PRR30: variants seen among roughly 807,000 people sequenced by gnomAD.
The protein encoded by PRR30 is proline-rich protein 30.
For synonymous variants in PRR30, 229 were observed against 222.7 expected (o/e 1.03, Z -0.25); for missense variants, 546 against 525.3 (o/e 1.04, Z -0.39).
At position 27,137,322 on chromosome 2, in the gene PRR30, T is replaced by C. The variant is rs1046351025; in HGVS notation, c.1008A>G (p.Pro336=). 1 of 1,614,228 alleles carries C rather than the reference T, an allele frequency of 6.2e-7. No individual in the cohort carries two copies. The highest frequency in any genetic ancestry group is 1.7e-5 in the Admixed American group (1 of 60,034). ...CCTGAGCTGCTGGAGGCTGAGATGC[T>C]GGCAATTGATGCCCACAGGCCTGAG... The part of the protein sequence containing the change: ...KATQACGHQL[P]ASQPPAAQAR... The change falls in exon 3 of 3, where the codon CCA becomes CCG. Residue 336 remains proline (P), a synonymous_variant. Coordinates refer to ENST00000335524, the MANE Select transcript of PRR30 (RefSeq NM_178553.4). The surrounding 1 kb of genome is among the most constrained non-coding windows in gnomAD (Gnocchi z 4.3).
chr2:27,139,099 T>G (rs2148425306), intron 1 of PRR30, 77 bp from the exon 2 acceptor site: 1 of 152,578 alleles, frequency 6.6e-6, no homozygotes, highest in East Asian at 1.9e-4. Flanking sequence ...AAGTGCACTC[T>G]GACCCGGGTT....
intron 1 of PRR30, 32 bp from the exon 2 acceptor site, chr2:27,139,054 GGATAC>G (rs1341053570): frequency 6.6e-6 from 1 of 152,388 alleles, no homozygotes; most frequent in African/African-American, 2.4e-5. Context: ...ACCAAATGGT[GGATAC>G]ACCTTTCTCT....
Position 27,138,193 on chromosome 2 carries a change from G to C in PRR30, c.137C>G (p.Pro46Arg), listed in dbSNP as rs201152841. ...AGTGGAAGAGAACGGTGGTTGAGAGGGAGGGAGGCCCTGATGGGGAGAGAG... is the reference window on the plus strand; with the variant it reads ...AGTGGAAGAGAACGGTGGTTGAGAGCGAGGGAGGCCCTGATGGGGAGAGAG... ...QPLSPHQGLP[P>R]SQPPFSSTQS... Residue 46 changes from proline (P) to arginine (R), a missense_variant, in exon 3 of 3, where the codon CCC becomes CGC. Pro to Arg is a moderately radical substitution (Grantham distance 103). Coordinates refer to ENST00000335524, the MANE Select transcript of PRR30 (RefSeq NM_178553.4). The C allele has an allele frequency of 3.8e-5, 62 of 1,613,930 alleles. No homozygotes were observed. The Admixed American group carries it at 6.2e-4, about 16-fold the overall frequency.
chr2:27,137,296 G>T lies in PRR30; in HGVS notation c.1034C>A (p.Ala345Asp), dbSNP rs140219248. The T allele has an allele frequency of 1.2e-6, 2 of 1,614,256 alleles. No homozygotes were observed. The highest frequency in any genetic ancestry group is 1.7e-6 in the Non-Finnish European group (2 of 1,180,048). The change falls in exon 3 of 3, where the codon GCC (alanine) becomes GAC (aspartate). Residue 345 changes from alanine (A) to aspartate (D), a missense_variant. Coordinates refer to ENST00000335524, the MANE Select transcript of PRR30 (RefSeq NM_178553.4). This position sits in a 1 kb window ranked among gnomAD's most constrained non-coding sequence, Gnocchi z 4.3. ...TGTGCCTGGGACTGGGTCGGCCCGGGCCTGAGCTGCTGGAGGCTGAGATGC... is the reference window on the plus strand; with the variant it reads ...TGTGCCTGGGACTGGGTCGGCCCGGTCCTGAGCTGCTGGAGGCTGAGATGC... ...LPASQPPAAQ[A>D]RADPVPGTPS...
chr2:27,137,002 G>T lies in PRR30; in HGVS notation c.*89C>A. Reference sequence around the variant, plus strand: ...GACCTCCGGCCAGCCAGCCCTTCAGGGTGTCTCGGGGACTCCCCGAGATCT... The same window carrying T: ...GACCTCCGGCCAGCCAGCCCTTCAGTGTGTCTCGGGGACTCCCCGAGATCT... On this transcript the variant is annotated 3_prime_UTR_variant, in exon 3 of 3. Coordinates refer to ENST00000335524, the MANE Select transcript of PRR30 (RefSeq NM_178553.4). This position sits in a 1 kb window ranked among gnomAD's most constrained non-coding sequence, Gnocchi z 4.3. 3.0e-5 allele frequency: 45 copies of T among 1,489,602 alleles called. No homozygotes were observed. The highest frequency in any genetic ancestry group is 3.8e-5 in the Non-Finnish European group (43 of 1,118,120). 92.3% of individuals were successfully genotyped at this position (1,489,602 alleles called of 1,614,324 possible).
rs1405474703 is a variant in PRR30, at chr2:27,139,334, C to T, written c.-450G>A. 6.6e-6 allele frequency: 1 copy of T among 152,384 alleles called. No individual in the cohort carries two copies. Among genetic ancestry groups the T allele is most frequent in the African/African-American group, 2.4e-5 (1 of 41,440 alleles). 9.4% of individuals were successfully genotyped at this position (152,384 alleles called of 1,614,324 possible). The stretch of plus-strand genomic sequence containing the variant: ...ATACCCAGCAGCAGAAGGAATGGGG[C>T]CAGCTGGTAAAAGCCTCTGGGAGAC... On this transcript the variant is annotated 5_prime_UTR_variant, in exon 1 of 3. Transcript: ENST00000335524.
chr2:27,137,504 C>A lies in PRR30; in HGVS notation c.826G>T (p.Ala276Ser). 1 of 1,597,594 alleles carries A rather than the reference C, an allele frequency of 6.3e-7. No homozygotes were observed. The change falls in exon 3 of 3, where the codon GCT becomes TCT. Residue 276 changes from alanine to serine, a missense_variant. Ala to Ser is a moderately conservative substitution (Grantham distance 99). Coordinates refer to ENST00000335524, the MANE Select transcript of PRR30 (RefSeq NM_178553.4). The surrounding 1 kb of genome is among the most constrained non-coding windows in gnomAD (Gnocchi z 4.3). ...ACACAGGGCAGTAGTTGAGGGAAAG[C>A]AAGCAGCCGGGGTCCAGTCCTGTAC... ...PRYRTGPRLL[A>S]FPQLLPCVQG...
At position 27,138,510 on chromosome 2, in the gene PRR30, C is replaced by T. The variant is rs1672555484; in HGVS notation, c.-181G>A. ...GTGGCAGGCCAAGGGGATACCCAGCCCTCCAGCACCAGGCTCTCAGGGTGT... is the reference window on the plus strand; with the variant it reads ...GTGGCAGGCCAAGGGGATACCCAGCTCTCCAGCACCAGGCTCTCAGGGTGT... On this transcript the variant is annotated 5_prime_UTR_variant, in exon 3 of 3. Transcript: ENST00000335524. 2 of 1,240,896 alleles carry T rather than the reference C, an allele frequency of 1.6e-6. No individual in the cohort carries two copies. Among genetic ancestry groups the T allele is most frequent in the South Asian group, 3.7e-5 (2 of 54,172 alleles). 76.9% of individuals were successfully genotyped at this position (1,240,896 alleles called of 1,614,324 possible).
Position 27,138,475 on chromosome 2 carries a change from G to A in PRR30, c.-146C>T. The stretch of plus-strand genomic sequence containing the variant: ...AGCGTGGCTCCAGCCTGGTGTGGGT[G>A]CAGGTGCTGGTGGCAGGCCAAGGGG... On this transcript the variant is annotated 5_prime_UTR_variant, in exon 3 of 3. Transcript: ENST00000335524. The A allele has an allele frequency of 4.2e-6, 6 of 1,437,714 alleles. No homozygotes were observed. The highest frequency in any genetic ancestry group is 4.6e-6 in the Non-Finnish European group (5 of 1,092,054). The allele number at this position is 1,437,714 out of a possible 1,614,324, so 89.1% of individuals were successfully genotyped here.
chr2:27,137,405 C>G lies in PRR30; in HGVS notation c.925G>C (p.Ala309Pro). 1 of 1,613,670 alleles carries G rather than the reference C, an allele frequency of 6.2e-7. No homozygotes were observed. ...GLRLPQGQAR[A>P]LHLLPEKRPK... ...CTTTTCTCGGGCAGCAGATGCAAGG[C>G]CCTGGCCTGGCCCTGAGGCAGGCGG... is the stretch of plus-strand genomic sequence containing the variant. The change falls in exon 3 of 3, where the codon GCC (alanine) becomes CCC (proline). Residue 309 changes from alanine to proline, a missense_variant. Ala to Pro is a conservative substitution (Grantham distance 27). Transcript: ENST00000335524. This position sits in a 1 kb window ranked among gnomAD's most constrained non-coding sequence, Gnocchi z 4.3.
At position 27,137,518 on chromosome 2, in the gene PRR30, C is replaced by T. The variant is rs1672535920; in HGVS notation, c.812G>A (p.Gly271Glu). The T allele has an allele frequency of 6.3e-7, 1 of 1,595,020 alleles. No homozygotes were observed. Among genetic ancestry groups the T allele is most frequent in the Non-Finnish European group, 8.5e-7 (1 of 1,170,306 alleles). The change falls in exon 3 of 3, where the codon GGA becomes GAA. Residue 271 changes from glycine (G) to glutamate (E), a missense_variant. Gly to Glu is a moderately conservative substitution (Grantham distance 98). Transcript: ENST00000335524. This position sits in a 1 kb window ranked among gnomAD's most constrained non-coding sequence, Gnocchi z 4.3. ...PSCPLPRYRT[G>E]PRLLAFPQLL... The stretch of plus-strand genomic sequence containing the variant: ...TTGAGGGAAAGCAAGCAGCCGGGGT[C>T]CAGTCCTGTACCTGGGGAGGGGGCA...
At position 27,137,686 on chromosome 2, in the gene PRR30, A is replaced by AGGGCCT. The variant is rs759015470; in HGVS notation, c.638_643dup (p.Gln213_Ala214dup). 6.2e-7 allele frequency: 1 copy of AGGGCCT among 1,613,308 alleles called. No homozygotes were observed. The highest frequency in any genetic ancestry group is 1.7e-5 in the Admixed American group (1 of 60,024). On this transcript the variant is annotated inframe_insertion, in exon 3 of 3. Coordinates refer to ENST00000335524, the MANE Select transcript of PRR30 (RefSeq NM_178553.4). This position sits in a 1 kb window ranked among gnomAD's most constrained non-coding sequence, Gnocchi z 4.3. ...GCGGCGGTGCCCCAGCTGGACCACCAGGGCCTGGGCCAGGGCCCCTGGGTC... is the reference window on the plus strand; with the variant it reads ...GCGGCGGTGCCCCAGCTGGACCACCAGGGCCTGGGCCTGGGCCAGGGCCCCTGGGTC...
In PRR30 at chr2:27,138,228, G is replaced by A. The variant is rs1672551872; in HGVS notation, c.102C>T (p.Asn34=). ...CCTGATGGGGAGAGAGAGGCTGTAG[G>A]TTGTGAGGAGAGGAGTCCACAAGTT... ...FSQLVDSSPH[N]LQPLSPHQGL... is the part of the protein sequence containing the mutation. Residue 34 remains asparagine (N), a synonymous_variant, in exon 3 of 3, where the codon AAC becomes AAT. Transcript: ENST00000335524. 6.2e-7 allele frequency: 1 copy of A among 1,614,068 alleles called. No individual in the cohort carries two copies. The highest frequency in any genetic ancestry group is 2.2e-5 in the East Asian group (1 of 44,882).
chr2:27,137,532 G>A lies in PRR30; in HGVS notation c.798C>T (p.Pro266=), dbSNP rs1672536390. The change falls in exon 3 of 3, where the codon CCC becomes CCT. Residue 266 remains proline (P), a synonymous_variant. Coordinates refer to ENST00000335524, the MANE Select transcript of PRR30 (RefSeq NM_178553.4). The surrounding 1 kb of genome is among the most constrained non-coding windows in gnomAD (Gnocchi z 4.3). ...LRPRSPSCPL[P]RYRTGPRLLA... ...GCAGCCGGGGTCCAGTCCTGTACCTGGGGAGGGGGCAGGAGGGGCTGCGGG... is the reference window on the plus strand; with the variant it reads ...GCAGCCGGGGTCCAGTCCTGTACCTAGGGAGGGGGCAGGAGGGGCTGCGGG... The A allele has an allele frequency of 5.0e-6, 8 of 1,590,960 alleles. No individual in the cohort carries two copies. The highest frequency in any genetic ancestry group is 6.9e-6 in the Non-Finnish European group (8 of 1,167,828).
At position 27,137,591 on chromosome 2, in the gene PRR30, C is replaced by G; in HGVS notation, c.739G>C (p.Val247Leu). Residue 247 changes from valine (V) to leucine (L), a missense_variant, in exon 3 of 3, where the codon GTG becomes CTG. Coordinates refer to ENST00000335524, the MANE Select transcript of PRR30 (RefSeq NM_178553.4). The surrounding 1 kb of genome is among the most constrained non-coding windows in gnomAD (Gnocchi z 4.3). ...CACACCAGGCATATAGGATACTCCA[C>G]GACTGGGGCCTGGCCGGTTCTGCCT... ...WLGRTGQAPV[V>L]EYPICLVCLR... 2 of 1,606,120 alleles carry G rather than the reference C, an allele frequency of 1.2e-6. No homozygotes were observed.
At position 27,137,039 on chromosome 2, in the gene PRR30, G is replaced by A; in HGVS notation, c.*52C>T. The A allele has an allele frequency of 1.9e-6, 3 of 1,581,134 alleles. No individual in the cohort carries two copies. Among genetic ancestry groups the A allele is most frequent in the Non-Finnish European group, 2.6e-6 (3 of 1,163,110 alleles). ...ACTCCCCGAGATCTGGGGCCTGGTT[G>A]GGAGGGTTGGGTTTGGAGGGGGTGT... On this transcript the variant is annotated 3_prime_UTR_variant, in exon 3 of 3. Transcript: ENST00000335524. The surrounding 1 kb of genome is among the most constrained non-coding windows in gnomAD (Gnocchi z 4.3).
Position 27,137,638 on chromosome 2 carries a change from A to T in PRR30, c.692T>A (p.Leu231Gln). Residue 231 changes from leucine to glutamine, a missense_variant, in exon 3 of 3, where the codon CTG (leucine) becomes CAG (glutamine). Leu to Gln is a moderately radical substitution (Grantham distance 113, BLOSUM62 -2). Coordinates refer to ENST00000335524, the MANE Select transcript of PRR30 (RefSeq NM_178553.4). The surrounding 1 kb of genome is among the most constrained non-coding windows in gnomAD (Gnocchi z 4.3). ...HRRIAHDLRL[L>Q]LLQHLWLGRT... ...GCCTAGCCACAGGTGCTGCAAAAGC[A>T]GTAGCCGCAGGTCGTGTGCGATGCG... 6.2e-7 allele frequency: 1 copy of T among 1,612,606 alleles called. No homozygotes were observed. Among genetic ancestry groups the T allele is most frequent in the South Asian group, 1.1e-5 (1 of 91,034 alleles).
chr2:27,137,381 T>C lies in PRR30; in HGVS notation c.949A>G (p.Arg317Gly). 8.1e-6 allele frequency: 13 copies of C among 1,613,970 alleles called. No individual in the cohort carries two copies. Among genetic ancestry groups the C allele is most frequent in the Non-Finnish European group, 1.1e-5 (13 of 1,180,020 alleles). ...ARALHLLPEK[R>G]PKEAGPQGKA... is the part of the protein sequence containing the mutation. ...CCCTGAGGCCCTGCTTCCTTCGGCC[T>C]TTTCTCGGGCAGCAGATGCAAGGCC... is the stretch of plus-strand genomic sequence containing the variant. The change falls in exon 3 of 3, where the codon AGG (arginine) becomes GGG (glycine). Residue 317 changes from arginine to glycine, a missense_variant. Arg to Gly is a moderately radical substitution (Grantham distance 125, BLOSUM62 -2). Transcript: ENST00000335524. The surrounding 1 kb of genome is among the most constrained non-coding windows in gnomAD (Gnocchi z 4.3).
chr2:27,139,333 G>T lies in PRR30; in HGVS notation c.-449C>A, dbSNP rs1672566132. The T allele has an allele frequency of 6.6e-6, 1 of 152,376 alleles. No homozygotes were observed. The highest frequency in any genetic ancestry group is 1.5e-5 in the Non-Finnish European group (1 of 68,094). 9.4% of individuals were successfully genotyped at this position (152,376 alleles called of 1,614,324 possible). A position where few individuals can be genotyped will look rare whatever the true frequency, so the allele number is the denominator to read the frequency against. On this transcript the variant is annotated 5_prime_UTR_variant, in exon 1 of 3. Transcript: ENST00000335524. Reference sequence around the variant, plus strand: ...TATACCCAGCAGCAGAAGGAATGGGGCCAGCTGGTAAAAGCCTCTGGGAGA... The same window carrying T: ...TATACCCAGCAGCAGAAGGAATGGGTCCAGCTGGTAAAAGCCTCTGGGAGA...
Sources: gnomAD v4.1 joint callset for allele counts on GRCh38, gnomAD v4.1.1 for gene constraint, Gnocchi (gnomAD v3.1) non-coding constraint, MANE v1.5 for transcripts, NCBI Gene and HGNC (gene_info 2026-07-23, HGNC 2026-07-21) for gene names.